Variants in ROBO1 observed in about 807,000 individuals in gnomAD.
The protein encoded by ROBO1 is roundabout homolog 1.
Under a neutral mutation model 195.9 loss-of-function variants are expected in ROBO1, and 149 were observed. The observed-to-expected ratio is 0.76, with a 90% CI of 0.67 to 0.87. The LOEUF is 0.87. ROBO1 is among the 40% of genes least tolerant of loss of function. The pLI is 0.00. For missense variants in ROBO1, 1,933 were observed against 2,068.3 expected, an observed-to-expected ratio of 0.93 and a Z score of 1.27; for synonymous variants, 816 against 733.2, an observed-to-expected ratio of 1.11 and a Z score of -1.82.
chr3:79,100,367 G>A (rs1448331185), intron 3 of ROBO1, among the ~76,000 whole-genome samples: 1 of 151,700 alleles, frequency 6.6e-6, no homozygotes, highest in East Asian at 1.9e-4. Flanking sequence ...CAATTTGGAT[G>A]GAAGTCTTCC....
chr3:79,627,181 C>G (rs938313711), intron 1 of ROBO1, among the ~76,000 whole-genome samples: 3 of 152,114 alleles, frequency 2.0e-5, no homozygotes, highest in Non-Finnish European at 4.4e-5. Context: ...GAAGAAGACC[C>G]TGTATTGCCA....
At chr3:79,092,387 A>G (rs904908550) in intron 3 of ROBO1, among the ~76,000 whole-genome samples, 9 of 152,168 alleles carry the variant, frequency 5.9e-5, no homozygotes, top group Admixed American at 1.3e-4. Context: ...TAAAAAGGCT[A>G]TGCTGGTCTG....
intron 2 of ROBO1, among the ~76,000 whole-genome samples, chr3:79,251,016 T>C (rs1429035761): frequency 9.9e-5 from 15 of 152,180 alleles, no homozygotes; most frequent in Admixed American, 9.8e-4. Context: ...GATCATGACA[T>C]TGCACTCCAG....
chr3:79,584,617 G>A (rs1943763427), intron 2 of ROBO1, among the ~76,000 whole-genome samples: 2 of 130,824 alleles, frequency 1.5e-5, no homozygotes, highest in Admixed American at 7.2e-5. Flanking sequence ...GTGAGTGTGT[G>A]TGTGTGTGTG....
rs924221352 is a variant in ROBO1, at chr3:79,313,635, A to C, written c.89-188096T>G. Among the ~76,000 whole-genome samples, 8 of 152,328 alleles carry C rather than the reference A, an allele frequency of 5.3e-5. No individual in the cohort carries two copies. In the East Asian group the frequency reaches 1.2e-3, roughly 22 times the overall value. Reference sequence around the variant, plus strand: ...TTTCAATTATGAGTTATGTGCAAAGAGATAAAAAGAATCCTATGGTCATTA... The same window carrying C: ...TTTCAATTATGAGTTATGTGCAAAGCGATAAAAAGAATCCTATGGTCATTA... On this transcript the variant is annotated intron_variant, in intron 2 of 30. Coordinates refer to ENST00000464233, the MANE Select transcript of ROBO1 (RefSeq NM_002941.4).
chr3:79,361,176 T>C lies in ROBO1; in HGVS notation c.88+228648A>G, dbSNP rs561655781. On this transcript the variant is annotated intron_variant, in intron 2 of 30. Transcript: ENST00000464233. ...TGATAGTTGTATGACCTGAGATAAA[T>C]ATTTTTAATGTTTTTTGATATATTT... 2.0e-5 allele frequency among the ~76,000 whole-genome samples: 3 copies of C among 152,186 alleles called. No individual in the cohort carries two copies. The South Asian group carries it at 6.2e-4, about 32-fold the overall frequency.
chr3:79,173,296 G>A (rs930945456), intron 2 of ROBO1, among the ~76,000 whole-genome samples: 5 of 152,262 alleles, frequency 3.3e-5, no homozygotes, highest in Middle Eastern at 3.4e-3. Flanking sequence ...TGGGCTGACC[G>A]AGGCTGGAGC....
At chr3:79,010,539 G>T (rs879855430) in intron 3 of ROBO1, among the ~76,000 whole-genome samples, 1 of 151,976 alleles carries the variant, frequency 6.6e-6, no homozygotes, top group Non-Finnish European at 1.5e-5. Context: ...AGTGTTTCAG[G>T]TTCCGTGTAT....
intron 3 of ROBO1, among the ~76,000 whole-genome samples, chr3:78,982,105 C>CA (rs1470096448): frequency 3.3e-5 from 5 of 152,070 alleles, no homozygotes; most frequent in Admixed American, 6.6e-5. Flanking sequence ...CTTGCCTTTC[C>CA]AAAAGTTGTC....
chr3:79,747,096 T>C lies in ROBO1; in HGVS notation c.-51+20656A>G, dbSNP rs1576313275. 1.3e-5 allele frequency among the ~76,000 whole-genome samples: 2 copies of C among 152,200 alleles called. 1 individual carries two copies. Among genetic ancestry groups the C allele is most frequent in the East Asian group, 3.9e-4 (2 of 5,182 alleles). ...AGTAGGGAATATAAACTCACTTTCATTCTACAAATTGGGTTTTCCTTTTTT... is the reference window on the plus strand; with the variant it reads ...AGTAGGGAATATAAACTCACTTTCACTCTACAAATTGGGTTTTCCTTTTTT... On this transcript the variant is annotated intron_variant, in intron 1 of 30. Transcript: ENST00000464233.
intron 3 of ROBO1, among the ~76,000 whole-genome samples, chr3:78,972,454 A>G (rs539329048): frequency 6.6e-6 from 1 of 152,238 alleles, no homozygotes; most frequent in African/African-American, 2.4e-5. Context: ...TATTATGACA[A>G]TGATATTACA....
intron 4 of ROBO1, among the ~76,000 whole-genome samples, chr3:78,764,633 G>C (rs2083183749): frequency 6.6e-6 from 1 of 152,114 alleles, no homozygotes; most frequent in African/African-American, 2.4e-5. Context: ...AATATAGTAA[G>C]TAATATCCTT....
intron 3 of ROBO1, among the ~76,000 whole-genome samples, chr3:78,951,988 T>C (rs1241713910): frequency 1.3e-5 from 2 of 151,888 alleles, no homozygotes; most frequent in East Asian, 3.9e-4. Context: ...TATAATTTTA[T>C]TCTTTATTCA....
intron 2 of ROBO1, among the ~76,000 whole-genome samples, chr3:79,579,239 T>C (rs1305150663): frequency 6.6e-6 from 1 of 152,170 alleles, no homozygotes; most frequent in Non-Finnish European, 1.5e-5. Context: ...TATTCTATAA[T>C]TCCAGTATAA....
chr3:78,674,650 G>C (rs1219354430), intron 10 of ROBO1, among the ~76,000 whole-genome samples: 1 of 152,188 alleles, frequency 6.6e-6, no homozygotes, highest in Non-Finnish European at 1.5e-5. Context: ...CAGATATTTA[G>C]AGATTTTGTT....
chr3:79,589,918 C>G lies in ROBO1; in HGVS notation c.-7G>C, dbSNP rs1234862652. ...GAACATGTTTCCATTTCATCTTTGT[C>G]CCTTCCTTGCATTACAACCAGCCAG... On this transcript the variant is annotated 5_prime_UTR_variant, in exon 2 of 31. Coordinates refer to ENST00000464233, the MANE Select transcript of ROBO1 (RefSeq NM_002941.4). The G allele has an allele frequency of 1.9e-6, 3 of 1,604,638 alleles. No individual in the cohort carries two copies. In the African/African-American group the frequency reaches 4.0e-5, roughly 22 times the overall value.
intron 2 of ROBO1, among the ~76,000 whole-genome samples, chr3:79,255,665 C>T (rs910292910): frequency 6.6e-6 from 1 of 152,156 alleles, no homozygotes; most frequent in African/African-American, 2.4e-5. Context: ...TAGGTAAGCA[C>T]ATATTCACAC....
chr3:79,167,168 T>C (rs2081081912), intron 2 of ROBO1, among the ~76,000 whole-genome samples: 1 of 131,028 alleles, frequency 7.6e-6, no homozygotes, highest in Non-Finnish European at 1.6e-5. Context: ...GAAAGGTCTT[T>C]TAGGTTTGAA....
chr3:78,681,459 T>C (rs531729596), intron 10 of ROBO1, among the ~76,000 whole-genome samples: 9 of 151,988 alleles, frequency 5.9e-5, no homozygotes, highest in Non-Finnish European at 1.3e-4. Context: ...ACGAAGAACA[T>C]AGGAAAATAA....
Sources: gnomAD v4.1 joint callset for allele counts (sites outside exome capture counted in the v4.1 genomes callset) on GRCh38, gnomAD v4.1.1 for gene constraint, MANE v1.5 for transcripts, NCBI Gene and HGNC (gene_info 2026-07-23, HGNC 2026-07-21) for gene names.